The following PVT1 variants were observed in gnomAD, a reference collection of about 807,000 sequenced individuals.
The protein encoded by PVT1 is Pvt1 oncogene.
chr8:127,822,401 A>T (rs1201539976), intron 2 of PVT1, among the ~76,000 whole-genome samples: 1 of 152,148 alleles, frequency 6.6e-6, no homozygotes, highest in African/African-American at 2.4e-5. Context: ...GCATGGTGAA[A>T]TCCCATATCT....
At chr8:127,848,357 C>G (rs909595735) in intron 2 of PVT1, among the ~76,000 whole-genome samples, 46 of 152,064 alleles carry the variant, frequency 3.0e-4, no homozygotes, top group Admixed American at 1.8e-3. Flanking sequence ...TCGAGGCCAG[C>G]CTGGGCAACA....
chr8:127,973,761 C>T (rs1304131615), intron 3 of PVT1, among the ~76,000 whole-genome samples: 6 of 147,770 alleles, frequency 4.1e-5, no homozygotes, highest in South Asian at 4.3e-4. Flanking sequence ...GGTGGATCAA[C>T]GAGGTCAGGA....
chr8:128,078,846 C>T (rs1452069096), intron 5 of PVT1, among the ~76,000 whole-genome samples: 2 of 152,122 alleles, frequency 1.3e-5, no homozygotes, highest in African/African-American at 2.4e-5. Context: ...CATGCAGTGG[C>T]GCAAACATGG....
chr8:127,975,068 T>A (rs886630018), intron 3 of PVT1, among the ~76,000 whole-genome samples: 12 of 152,336 alleles, frequency 7.9e-5, no homozygotes, highest in Middle Eastern at 3.4e-3. Flanking sequence ...CAGTTCTCTG[T>A]TGTTAAAAAT....
intron 2 of PVT1, among the ~76,000 whole-genome samples, chr8:127,805,173 A>T (rs1390517608): frequency 4.0e-5 from 6 of 148,494 alleles, no homozygotes; most frequent in Non-Finnish European, 1.5e-5. Flanking sequence ...CAGGTGATCC[A>T]CCCGCCTTGG....
intron 3 of PVT1, among the ~76,000 whole-genome samples, chr8:127,942,185 G>C (rs1816360840): frequency 6.6e-6 from 1 of 152,192 alleles, no homozygotes; most frequent in African/African-American, 2.4e-5. Flanking sequence ...TGCCAGTTGG[G>C]AAGTGTCATC....
chr8:127,907,438 G>C (rs145575550), intron 3 of PVT1, among the ~76,000 whole-genome samples: 3 of 152,182 alleles, frequency 2.0e-5, no homozygotes, highest in Non-Finnish European at 2.9e-5. Context: ...GAACTGACAC[G>C]GGCCTGCTAT....
chr8:127,800,672 C>T (rs1814454165), intron 2 of PVT1, among the ~76,000 whole-genome samples: 1 of 152,088 alleles, frequency 6.6e-6, no homozygotes, highest in Non-Finnish European at 1.5e-5. Context: ...TCTCTTCTCC[C>T]ACTAAATTGT....
intron 4 of PVT1, among the ~76,000 whole-genome samples, chr8:128,054,871 ATTT>A (rs1813745263): frequency 6.6e-6 from 1 of 152,128 alleles, no homozygotes; most frequent in South Asian, 2.1e-4. Context: ...CACTGAAGGT[ATTT>A]TTCAGATGAG....
intron 4 of PVT1, among the ~76,000 whole-genome samples, chr8:127,993,826 G>C (rs1253811331): frequency 6.6e-6 from 1 of 152,152 alleles, no homozygotes; most frequent in Non-Finnish European, 1.5e-5. Flanking sequence ...CTCCTTTCTT[G>C]TATTGCACAA....
chr8:127,947,511 A>G, intron 3 of PVT1: 1 of 357,442 alleles, frequency 2.8e-6, no homozygotes, highest in Non-Finnish European at 5.5e-6. Flanking sequence ...AGGCACACTG[A>G]GCCTGTAGGG....
intron 4 of PVT1, among the ~76,000 whole-genome samples, chr8:128,017,484 C>T (rs1817386629): frequency 6.6e-6 from 1 of 152,092 alleles, no homozygotes; most frequent in Admixed American, 6.5e-5. Flanking sequence ...CTCTGTAGCC[C>T]AGGCTGGAGT....
At chr8:128,059,940 T>G (rs1467670044) in intron 4 of PVT1, among the ~76,000 whole-genome samples, 3 of 151,984 alleles carry the variant, frequency 2.0e-5, no homozygotes, top group Non-Finnish European at 1.5e-5. Flanking sequence ...AAAAAGAAAG[T>G]CATGCACTAA....
intron 5 of PVT1, among the ~76,000 whole-genome samples, chr8:128,086,052 T>C (rs970662145): frequency 6.6e-6 from 1 of 152,248 alleles, no homozygotes; most frequent in Non-Finnish European, 1.5e-5. Flanking sequence ...GTCACAGTTA[T>C]TGAGCCAAAA....
chr8:127,983,889 T>TTC (rs1044333528), intron 3 of PVT1: 2 of 149,666 alleles, frequency 1.3e-5, no homozygotes, highest in African/African-American at 4.9e-5. Context: ...TTTTTTTTTT[T>TTC]TTTTTTTGAT....
intron 4 of PVT1, among the ~76,000 whole-genome samples, chr8:128,046,640 A>G (rs959209104): frequency 3.9e-5 from 6 of 152,224 alleles, no homozygotes; most frequent in Non-Finnish European, 5.9e-5. Context: ...TCCTTAGCAC[A>G]GCACCTGAGA....
rs1369936327 is a variant in PVT1 at position 127,836,937 on chromosome 8, A to G, written n.372+40866A>G. Among the ~76,000 whole-genome samples, 4 of 151,940 alleles carry G rather than the reference A, an allele frequency of 2.6e-5. No homozygotes were observed. The South Asian group carries it at 6.2e-4, about 24-fold the overall frequency. ...CCATTTCACACCCATGCCAGGTGTG[A>G]TGAAATCCTCTAGGTGATGGGCAGT... On this transcript the variant is annotated intron_variant and non_coding_transcript_variant, in intron 2 of 10. Transcript: ENST00000651587.
chr8:128,015,037 G>A (rs1817355581), intron 4 of PVT1, among the ~76,000 whole-genome samples: 1 of 151,424 alleles, frequency 6.6e-6, no homozygotes, highest in Non-Finnish European at 1.5e-5. Context: ...TCACCTAAGA[G>A]AAAGAAAAGA....
At chr8:127,808,961 C>G (rs542221246) in intron 2 of PVT1, among the ~76,000 whole-genome samples, 1 of 122,238 alleles carries the variant, frequency 8.2e-6, no homozygotes, top group Non-Finnish European at 1.6e-5. Context: ...ACCCGGGAGG[C>G]GGAGGTTGCA....
Sources: gnomAD v4.1 joint callset for allele counts (sites outside exome capture counted in the v4.1 genomes callset) on GRCh38, gnomAD v4.1.1 for gene constraint, MANE v1.5 for transcripts, NCBI Gene and HGNC (gene_info 2026-07-23, HGNC 2026-07-21) for gene names.